The following DUOX2 variants were observed in gnomAD, a reference collection of about 807,000 sequenced individuals.
DUOX2 encodes NADH/NADPH thyroid oxidase p138-tox.
DUOX2 carries 185 observed loss-of-function variants against 183.3 expected under a neutral mutation model. The ratio of observed to expected loss-of-function variants is 1.01; its 90% confidence interval spans 0.90 to 1.14. The LOEUF is 1.14. Among genes scored for constraint, DUOX2 ranks in the 50% most tolerant of loss-of-function variants. The probability of loss-of-function intolerance (pLI) is 0.00; values close to 1 mark genes in which losing one functional copy is unlikely to be tolerated. For missense variants in DUOX2, 1,999 were observed against 2,022.9 expected, an observed-to-expected ratio of 0.99 and a Z score of 0.23; for synonymous variants, 788 against 812.4, an observed-to-expected ratio of 0.97 and a Z score of 0.51.
intron 23 of DUOX2, 63 bp downstream of exon 23, chr15:45,100,692 G>T: frequency 2.2e-6 from 3 of 1,368,012 alleles, no homozygotes; most frequent in Non-Finnish European, 3.1e-6. Flanking sequence ...TGTGGGTGGG[G>T]CCTAGGGACC....
chr15:45,100,058 C>A lies in DUOX2; in HGVS notation c.3176G>T (p.Arg1059Leu). 2 of 1,614,246 alleles carry A rather than the reference C, an allele frequency of 1.2e-6. No homozygotes were observed. The highest frequency in any genetic ancestry group is 1.7e-6 in the Non-Finnish European group (2 of 1,180,048). Reference sequence around the variant, plus strand: ...CAGCCTGGAACTCTTACAGTAAGCACGATCTGCAAACACGCCAACACAGAT... The same window carrying A: ...CAGCCTGGAACTCTTACAGTAAGCAAGATCTGCAAACACGCCAACACAGAT... ...SAICVGVFAD[R>L]AYYYGFASPP... The change falls in exon 24 of 34, where the codon CGT becomes CTT. Residue 1059 changes from arginine (R) to leucine (L), a missense_variant. By Grantham distance (102) the Arg-to-Leu change is moderately radical. Coordinates refer to ENST00000389039, the MANE Select transcript of DUOX2 (RefSeq NM_001363711.2).
chr15:45,096,048 A>G lies in DUOX2; in HGVS notation c.3860T>C (p.Leu1287Pro). 6.2e-7 allele frequency: 1 copy of G among 1,614,030 alleles called. No homozygotes were observed. The highest frequency in any genetic ancestry group is 8.5e-7 in the Non-Finnish European group (1 of 1,179,948). Residue 1287 changes from leucine to proline, a missense_variant, in exon 30 of 34, where the codon CTG (leucine) becomes CCG (proline). Physicochemically the swap from Leu to Pro is moderately conservative, Grantham distance 98 (BLOSUM62 -3). This residue lies in a region of DUOX2 where 1,628 missense variants were observed against 1,608.6 expected (regional missense o/e 1.01). Transcript: ENST00000389039. ...AAAGCCTTGGGGCCTCTGGAATTGC[A>G]GGTAGGTCACTCCTGGAGGTCATAG... Reference protein sequence around the residue: ...AELLPSGVTYLQFQRPQGFEY... With the variant: ...AELLPSGVTYPQFQRPQGFEY...
chr15:45,105,830 T>G lies in DUOX2; in HGVS notation c.2149-2A>C. Reference sequence around the variant, plus strand: ...CTCTTCAGAACTAAACAGCAGCACCTGGGTGGGAGGAAGGCGGCACTGACG... The same window carrying G: ...CTCTTCAGAACTAAACAGCAGCACCGGGGTGGGAGGAAGGCGGCACTGACG... On this transcript the variant is annotated splice_acceptor_variant, in intron 17 of 33. Coordinates refer to ENST00000389039, the MANE Select transcript of DUOX2 (RefSeq NM_001363711.2). LOFTEE classifies it high-confidence loss of function. 3.1e-6 allele frequency: 5 copies of G among 1,613,982 alleles called. No homozygotes were observed. Among genetic ancestry groups the G allele is most frequent in the Non-Finnish European group, 4.2e-6 (5 of 1,179,984 alleles).
At chr15:45,107,708 G>A (rs1036883743) in intron 13 of DUOX2, among the ~76,000 whole-genome samples, 7 of 151,804 alleles carry the variant, frequency 4.6e-5, no homozygotes, top group South Asian at 2.1e-4. Flanking sequence ...AAAATTAGCC[G>A]GGCATGTTGG....
At position 45,101,431 on chromosome 15, in the gene DUOX2, G is replaced by C; in HGVS notation, c.2852-157C>G. 2.7e-6 allele frequency: 2 copies of C among 731,970 alleles called. 1 individual carries two copies. The highest frequency in any genetic ancestry group is 4.2e-5 in the Admixed American group (2 of 47,334). 45.3% of individuals were successfully genotyped at this position (731,970 alleles called of 1,614,324 possible). On this transcript the variant is annotated intron_variant, in intron 21 of 33. Transcript: ENST00000389039. ...CTAGACTAAGCACTCACTGTACACA[G>C]GGCAGACAATGTGGCAACTTTGCAC...
rs199589510 is a variant in DUOX2 at position 45,103,961 on chromosome 15, G to T, written c.2653C>A (p.Arg885=). 4.3e-6 allele frequency: 7 copies of T among 1,613,974 alleles called. No individual in the cohort carries two copies. In the East Asian group the frequency reaches 1.6e-4, roughly 36 times the overall value. The part of the protein sequence containing the change: ...LSKDEFFTMM[R]SFIEISNNCL... ...GGATTAGAAAGGCACACCCCATACC[G>T]CATCATGGTGAAGAATTCGTCCTTG... Residue 885 remains arginine, a splice_region_variant and synonymous_variant, in exon 20 of 34, where the codon CGA becomes AGA. Transcript: ENST00000389039.
intron 18 of DUOX2, among the ~76,000 whole-genome samples, 160 bp from the exon 19 acceptor site, chr15:45,104,525 T>A (rs1315679212): frequency 1.3e-5 from 2 of 152,218 alleles, no homozygotes; most frequent in Non-Finnish European, 2.9e-5. Flanking sequence ...GCCTCTGTTG[T>A]CCTATAGACG....
In DUOX2 at chr15:45,095,789, T is replaced by A. The variant is rs775079078; in HGVS notation, c.4080+39A>T. 3.1e-6 allele frequency: 5 copies of A among 1,592,392 alleles called. No individual in the cohort carries two copies. In the East Asian group the frequency reaches 8.9e-5, roughly 28 times the overall value. On this transcript the variant is annotated intron_variant, in intron 30 of 33. Transcript: ENST00000389039. Reference sequence around the variant, plus strand: ...GGGAAGGGCAGAGATCCTCTGCCAGTGCCAGAGGCCCGGAAGCAGGGTTCC... The same window carrying A: ...GGGAAGGGCAGAGATCCTCTGCCAGAGCCAGAGGCCCGGAAGCAGGGTTCC...
chr15:45,100,943 G>C, intron 22 of DUOX2, 105 bp from the exon 23 acceptor site: 2 of 782,394 alleles, frequency 2.6e-6, no homozygotes, highest in Non-Finnish European at 4.4e-6. Context: ...CTGGTACCAG[G>C]CAGGGGGCAA....
At chr15:45,109,790 TG>T in intron 10 of DUOX2, 99 bp downstream of exon 10, 1 of 1,364,558 alleles carries the variant, frequency 7.3e-7, no homozygotes, top group Non-Finnish European at 1.0e-6. Flanking sequence ...CCCATGAACC[TG>T]GGGCAGCAAC....
rs766496010 is a variant in DUOX2, at chr15:45,109,961, G to A, written c.1060C>T (p.Arg354Trp). 150 of 1,614,064 alleles carry A rather than the reference G, an allele frequency of 9.3e-5. 2 individuals are homozygous for A. In the Middle Eastern group the frequency reaches 1.3e-3, roughly 14 times the overall value. Reference protein sequence around the residue: ...VYMRNASCHFRKVLNKGFQSS... With the variant: ...VYMRNASCHFWKVLNKGFQSS... ...TGAAAACCCTTGTTCAGGACCTTCC[G>A]GAAATGACAGCTGGCATTTCTGAAA... Residue 354 changes from arginine (R) to tryptophan (W), a missense_variant, in exon 10 of 34, where the codon CGG (arginine) becomes TGG (tryptophan). Physicochemically the swap from Arg to Trp is moderately radical, Grantham distance 101. Coordinates refer to ENST00000389039, the MANE Select transcript of DUOX2 (RefSeq NM_001363711.2).
Position 45,107,402 on chromosome 15 carries a change from C to A in DUOX2, c.1636G>T (p.Ala546Ser), listed in dbSNP as rs764655103. The change falls in exon 14 of 34, where the codon GCT (alanine) becomes TCT (serine). Residue 546 changes from alanine (A) to serine (S), a missense_variant. Coordinates refer to ENST00000389039, the MANE Select transcript of DUOX2 (RefSeq NM_001363711.2). ...RNTTLRDVLV[A>S]VINIDPSALQ... is the part of the protein sequence containing the mutation. ...GCACTGGGGTCAATGTTGATAACAG[C>A]GACCAGCACGTCCCGCAGGGTGGTA... The A allele has an allele frequency of 6.2e-7, 1 of 1,614,236 alleles. No homozygotes were observed. The highest frequency in any genetic ancestry group is 1.7e-5 in the Admixed American group (1 of 60,026).
rs906993916 is a variant in DUOX2 at position 45,097,755 on chromosome 15, G to C, written c.3566-14C>G. 6.2e-7 allele frequency: 1 copy of C among 1,614,224 alleles called. No individual in the cohort carries two copies. Among genetic ancestry groups the C allele is most frequent in the African/African-American group, 1.3e-5 (1 of 75,062 alleles). The stretch of plus-strand genomic sequence containing the variant: ...CACCTGTCATACCTGGGGGCAGGAA[G>C]ACAGGGCCAGTGAGTAGTCTCAGGA... On this transcript the variant is annotated splice_polypyrimidine_tract_variant and intron_variant, in intron 27 of 33. Transcript: ENST00000389039.
intron 33 of DUOX2, 114 bp downstream of exon 33, chr15:45,094,449 G>T: frequency 6.5e-7 from 1 of 1,528,494 alleles, no homozygotes; most frequent in Non-Finnish European, 8.9e-7. Flanking sequence ...TCATCCTGGG[G>T]CCAGGCAATC....
chr15:45,101,041 C>A (rs1213455324), intron 22 of DUOX2, 164 bp downstream of exon 22: 1 of 733,334 alleles, frequency 1.4e-6, no homozygotes. Flanking sequence ...AGCATCCGAG[C>A]AGCATAGGGT....
At chr15:45,097,965 A>T (rs1893950694) in intron 27 of DUOX2, 44 bp downstream of exon 27, 1 of 1,602,666 alleles carries the variant, frequency 6.2e-7, no homozygotes, top group East Asian at 2.2e-5. Flanking sequence ...TGGAGACAAA[A>T]GCAGAAGTCC....
At chr15:45,109,482 T>C in intron 11 of DUOX2, 42 bp downstream of exon 11, 1 of 1,590,650 alleles carries the variant, frequency 6.3e-7, no homozygotes, top group Non-Finnish European at 8.6e-7. Flanking sequence ...TCCTCAGGCT[T>C]CCTGGTCCCT....
intron 12 of DUOX2, 112 bp from the exon 13 acceptor site, chr15:45,108,334 C>A: frequency 3.1e-6 from 4 of 1,295,740 alleles, no homozygotes; most frequent in Non-Finnish European, 4.3e-6. Flanking sequence ...GCTGCTCAGG[C>A]CTGATTTCCT....
intron 19 of DUOX2, 38 bp downstream of exon 19, chr15:45,104,101 CT>C: frequency 6.2e-7 from 1 of 1,614,088 alleles, no homozygotes; most frequent in South Asian, 1.1e-5. Flanking sequence ...TGAAAGACCC[CT>C]GGATTCTTGG....
Sources: allele counts gnomAD v4.1 joint callset (sites outside exome capture counted in the v4.1 genomes callset), GRCh38; gene constraint gnomAD v4.1.1; regional missense constraint gnomAD v4.1.1; transcripts MANE v1.5; gene names NCBI Gene and HGNC (gene_info 2026-07-23, HGNC 2026-07-21).